The following CSMD1 variants were observed in gnomAD, a reference collection of about 807,000 sequenced individuals.
CSMD1 encodes the protein CUB and Sushi multiple domains 1, also known as CUB and sushi domain-containing protein 1.
Under a neutral mutation model 417.5 loss-of-function variants are expected in CSMD1, and 213 were observed. That is an observed-to-expected ratio of 0.51 (90% CI 0.46 to 0.57). The LOEUF (loss-of-function observed/expected upper bound fraction) is 0.57. Ranked by LOEUF, CSMD1 falls within the 20% of genes least tolerant of loss-of-function variation. CSMD1 has a pLI of 0.00. For synonymous variants in CSMD1, 2,862 were observed against 1,736.8 expected, an observed-to-expected ratio of 1.65 and a Z score of -16.11; for missense variants, 6,923 against 4,529.7, an observed-to-expected ratio of 1.53 and a Z score of -15.17.
intron 5 of CSMD1, among the ~76,000 whole-genome samples, chr8:3,976,861 C>G (rs1245619591): frequency 6.6e-6 from 1 of 152,150 alleles, no homozygotes; most frequent in African/African-American, 2.4e-5. Context: ...ACTGCACTGA[C>G]CAGCACTAGC....
intron 49 of CSMD1, among the ~76,000 whole-genome samples, chr8:3,084,886 T>A (rs534327742): frequency 2.4e-4 from 36 of 151,650 alleles, no homozygotes; most frequent in Non-Finnish European, 4.3e-4. Flanking sequence ...AAATCCTACT[T>A]TTTGCTACAT....
chr8:3,641,811 C>T (rs1039430584), intron 7 of CSMD1, among the ~76,000 whole-genome samples: 1 of 152,184 alleles, frequency 6.6e-6, no homozygotes, highest in African/African-American at 2.4e-5. Context: ...CTGTTGTGAC[C>T]TTTGTCGATC....
chr8:3,517,748 A>G (rs1294977800), intron 10 of CSMD1, among the ~76,000 whole-genome samples: 1 of 152,228 alleles, frequency 6.6e-6, no homozygotes, highest in Non-Finnish European at 1.5e-5. Context: ...GAGATTAATT[A>G]AAATGAAGAA....
chr8:4,867,396 T>G (rs1585235596), intron 1 of CSMD1, among the ~76,000 whole-genome samples: 1 of 152,082 alleles, frequency 6.6e-6, no homozygotes, highest in African/African-American at 2.4e-5. Flanking sequence ...TGAAAGGTAT[T>G]ACTAAGATGC....
chr8:3,883,220 A>C (rs1806321688), intron 5 of CSMD1, among the ~76,000 whole-genome samples: 1 of 152,170 alleles, frequency 6.6e-6, no homozygotes. Flanking sequence ...CGTGTCCTTG[A>C]ATGATTCATT....
chr8:3,515,972 A>C (rs1797266534), intron 10 of CSMD1, among the ~76,000 whole-genome samples: 1 of 152,216 alleles, frequency 6.6e-6, no homozygotes, highest in Admixed American at 6.5e-5. Flanking sequence ...GTTCGTTGCC[A>C]GTCAATGTTC....
intron 12 of CSMD1, among the ~76,000 whole-genome samples, chr8:3,435,248 T>C (rs1279120435): frequency 6.6e-6 from 1 of 152,176 alleles, no homozygotes; most frequent in African/African-American, 2.4e-5. Context: ...ATAGTATCCC[T>C]GACAGTTAAT....
intron 3 of CSMD1, among the ~76,000 whole-genome samples, chr8:4,234,999 T>C (rs1440454451): frequency 6.6e-6 from 1 of 152,170 alleles, no homozygotes; most frequent in African/African-American, 2.4e-5. Flanking sequence ...TCCCAAAAGC[T>C]CTAAATACCA....
intron 3 of CSMD1, among the ~76,000 whole-genome samples, chr8:4,140,178 A>T (rs151085089): frequency 3.4e-5 from 5 of 148,438 alleles, no homozygotes; most frequent in Non-Finnish European, 7.4e-5. Context: ...CATAGCAAAA[A>T]CCCGTATCTA....
At chr8:3,320,534 T>C (rs1041309208) in intron 23 of CSMD1, among the ~76,000 whole-genome samples, 2 of 152,208 alleles carry the variant, frequency 1.3e-5, no homozygotes, top group African/African-American at 4.8e-5. Flanking sequence ...TTTTTTATTC[T>C]ACAACTAATA....
intron 3 of CSMD1, among the ~76,000 whole-genome samples, chr8:4,279,648 G>T (rs551152480): frequency 6.6e-6 from 1 of 152,136 alleles, no homozygotes; most frequent in African/African-American, 2.4e-5. Context: ...TAACTCATTC[G>T]AGTATCTTAA....
intron 1 of CSMD1, among the ~76,000 whole-genome samples, chr8:4,992,614 A>T (rs962124890): frequency 6.6e-6 from 1 of 152,048 alleles, no homozygotes; most frequent in South Asian, 2.1e-4. Context: ...GCCCCAGCAC[A>T]CCTCACAGGG....
chr8:2,978,526 G>T, intron 55 of CSMD1, 86 bp downstream of exon 55: 2 of 1,040,862 alleles, frequency 1.9e-6, no homozygotes, highest in Non-Finnish European at 2.8e-6. Flanking sequence ...AAAATTCAGT[G>T]CCTTTTAAAT....
At chr8:4,156,025 C>G (rs1284884329) in intron 3 of CSMD1, among the ~76,000 whole-genome samples, 2 of 152,060 alleles carry the variant, frequency 1.3e-5, no homozygotes, top group African/African-American at 2.4e-5. Flanking sequence ...ACCCAGTGGC[C>G]TGGTTCCTCA....
chr8:3,912,694 G>C (rs1269413132), intron 5 of CSMD1, among the ~76,000 whole-genome samples: 1 of 152,182 alleles, frequency 6.6e-6, no homozygotes, highest in Non-Finnish European at 1.5e-5. Context: ...AATACATGCA[G>C]AATACGACAA....
At chr8:4,831,510 T>A (rs1378882900) in intron 1 of CSMD1, among the ~76,000 whole-genome samples, 1 of 152,188 alleles carries the variant, frequency 6.6e-6, no homozygotes, top group African/African-American at 2.4e-5. Context: ...GCTCATTGCA[T>A]GGTACATATT....
At chr8:4,383,820 G>C (rs1273616721) in intron 3 of CSMD1, among the ~76,000 whole-genome samples, 3 of 152,004 alleles carry the variant, frequency 2.0e-5, no homozygotes, top group Non-Finnish European at 2.9e-5. Context: ...AAATTATTGT[G>C]AAAGTGGAAC....
chr8:3,895,804 G>A (rs1316966439), intron 5 of CSMD1, among the ~76,000 whole-genome samples: 1 of 152,102 alleles, frequency 6.6e-6, no homozygotes, highest in South Asian at 2.1e-4. Context: ...CACTCCAGTT[G>A]TACCTGCAGT....
chr8:4,053,700 C>G (rs566714248), intron 3 of CSMD1, among the ~76,000 whole-genome samples: 26 of 152,164 alleles, frequency 1.7e-4, no homozygotes, highest in African/African-American at 4.6e-4. Flanking sequence ...AACAGCTCAT[C>G]ATGGCAGTAG....
Sources: gnomAD v4.1 joint callset for allele counts (sites outside exome capture counted in the v4.1 genomes callset) on GRCh38, gnomAD v4.1.1 for gene constraint, MANE v1.5 for transcripts, NCBI Gene and HGNC (gene_info 2026-07-23, HGNC 2026-07-21) for gene names.